The following SCMH1 variants were observed in gnomAD, a reference collection of about 807,000 sequenced individuals.
SCMH1 encodes the protein polycomb protein SCMH1.
A neutral mutation model predicts 70.8 loss-of-function variants in SCMH1; 37 were observed. The observed-to-expected ratio is 0.52, with a 90% CI of 0.40 to 0.69. SCMH1 has a LOEUF of 0.69. SCMH1 is among the 30% of genes least tolerant of loss of function. SCMH1 has a pLI of 0.00. For missense variants in SCMH1, 607 were observed against 827.3 expected (o/e 0.73, Z 3.27); for synonymous variants, 292 against 307.4 (o/e 0.95, Z 0.52).
chr1:41,191,371 T>C (rs185224223), intron 1 of SCMH1, among the ~76,000 whole-genome samples: 2 of 152,378 alleles, frequency 1.3e-5, no homozygotes, highest in East Asian at 1.9e-4. Flanking sequence ...TAAAATTAAG[T>C]ATATTTGAAC....
At position 41,061,502 on chromosome 1, in the gene SCMH1, T is replaced by C. The variant is rs56018256; in HGVS notation, c.1105+9093A>G. On this transcript the variant is annotated intron_variant, in intron 10 of 14. Transcript: ENST00000337495. ...AGGGAAAGACAGGGGCATTACATAATAAGAGGCCAATTCTCCAAGAAGACA... is the reference window on the plus strand; with the variant it reads ...AGGGAAAGACAGGGGCATTACATAACAAGAGGCCAATTCTCCAAGAAGACA... Among the ~76,000 whole-genome samples the C allele has an allele frequency of 1.5e-3, 233 of 152,226 alleles. 2 individuals carry two copies. The Middle Eastern group carries it at 0.027, about 18-fold the overall frequency.
At chr1:41,177,284 T>A (rs1368509516) in intron 2 of SCMH1, among the ~76,000 whole-genome samples, 5 of 151,758 alleles carry the variant, frequency 3.3e-5, no homozygotes, top group African/African-American at 1.2e-4. Flanking sequence ...ACCACAAAGA[T>A]GGGGAAAAAA....
chr1:41,048,089 T>C (rs1647068076), intron 11 of SCMH1, among the ~76,000 whole-genome samples: 1 of 150,536 alleles, frequency 6.6e-6, no homozygotes, highest in South Asian at 2.1e-4. Context: ...CTAGGTCAAG[T>C]CTTCATAGGT....
At chr1:41,161,236 A>G (rs1646001356) in intron 3 of SCMH1, 128 bp downstream of exon 3, 15 of 1,415,386 alleles carry the variant, frequency 1.1e-5, no homozygotes, top group Non-Finnish European at 1.3e-5. Flanking sequence ...ACCTCTGTAA[A>G]CTGCAATATT....
At chr1:41,175,922 A>C (rs759694249) in intron 2 of SCMH1, among the ~76,000 whole-genome samples, 11 of 152,066 alleles carry the variant, frequency 7.2e-5, no homozygotes, top group Non-Finnish European at 1.6e-4. Flanking sequence ...TATGTTTAAA[A>C]ATTTTCATAA....
At chr1:41,221,889 G>T in intron 1 of SCMH1, among the ~76,000 whole-genome samples, 1 of 66,816 alleles carries the variant, frequency 1.5e-5, no homozygotes. Context: ...GCAAGACTCC[G>T]TCTCAAAAAA....
chr1:41,087,968 T>TGTGTGTGTG (rs1553238484), intron 8 of SCMH1, among the ~76,000 whole-genome samples: 3 of 18,020 alleles, frequency 1.7e-4, no homozygotes, highest in South Asian at 2.6e-3. Flanking sequence ...GTGTGTGTAT[T>TGTGTGTGTG]TATTTATGCA....
At chr1:41,172,796 C>G (rs1245577145) in intron 2 of SCMH1, among the ~76,000 whole-genome samples, 1 of 152,086 alleles carries the variant, frequency 6.6e-6, no homozygotes, top group Admixed American at 6.6e-5. Context: ...TATTTACAGC[C>G]AACTGATTTT....
chr1:41,062,691 A>T (rs528647832), intron 10 of SCMH1, among the ~76,000 whole-genome samples: 1 of 151,356 alleles, frequency 6.6e-6, no homozygotes, highest in Non-Finnish European at 1.5e-5. Flanking sequence ...GTGAGCTGAG[A>T]TCGGGCCACT....
At chr1:41,229,068 T>C (rs1248638234) in intron 1 of SCMH1, among the ~76,000 whole-genome samples, 2 of 151,988 alleles carry the variant, frequency 1.3e-5, no homozygotes, top group Admixed American at 1.3e-4. Context: ...TGATGGCACA[T>C]GCCTGTAATC....
At chr1:41,185,943 A>G in intron 2 of SCMH1, 178 bp downstream of exon 2, 2 of 504,286 alleles carry the variant, frequency 4.0e-6, no homozygotes, top group Non-Finnish European at 6.5e-6. Context: ...TTTAAAAAGC[A>G]AAACTTCAGA....
intron 1 of SCMH1, among the ~76,000 whole-genome samples, chr1:41,221,581 C>T (rs1332175341): frequency 7.6e-6 from 1 of 130,902 alleles, no homozygotes; most frequent in Admixed American, 8.7e-5. Context: ...GCCAAACGCT[C>T]ATAGCAAAAA....
At chr1:41,067,497 G>C (rs887592005) in intron 10 of SCMH1, among the ~76,000 whole-genome samples, 3 of 141,186 alleles carry the variant, frequency 2.1e-5, no homozygotes, top group South Asian at 2.3e-4. Flanking sequence ...ATCAAGACAT[G>C]AAAATACATG....
chr1:41,159,594 C>G, intron 4 of SCMH1: 1 of 1,050,678 alleles, frequency 9.5e-7, no homozygotes, highest in East Asian at 3.1e-5. Context: ...GGAATTTGAA[C>G]CTTGGTTCAA....
chr1:41,074,400 A>G (rs761862), intron 9 of SCMH1, among the ~76,000 whole-genome samples: 52,534 of 151,918 alleles, frequency 0.35, 10,287 homozygotes, highest in African/African-American at 0.54. Flanking sequence ...CATTAACACT[A>G]TTTATCTCTT....
chr1:41,087,268 A>G (rs1558759169), intron 8 of SCMH1, among the ~76,000 whole-genome samples: 2 of 152,176 alleles, frequency 1.3e-5, no homozygotes, highest in African/African-American at 4.8e-5. Context: ...AAAACAATAT[A>G]TAAGTACTAG....
At chr1:41,055,868 G>T (rs765613364) in intron 10 of SCMH1, among the ~76,000 whole-genome samples, 12 of 152,218 alleles carry the variant, frequency 7.9e-5, no homozygotes, top group Non-Finnish European at 1.2e-4. Context: ...TGATTTAGAT[G>T]ATGAGATCCT....
intron 6 of SCMH1, among the ~76,000 whole-genome samples, chr1:41,120,310 TG>T (rs1243766049): frequency 6.6e-6 from 1 of 152,220 alleles, no homozygotes; most frequent in African/African-American, 2.4e-5. Context: ...ATATATTGAA[TG>T]CTTACCATGT....
At chr1:41,151,711 A>G in intron 4 of SCMH1, 27 bp from the exon 5 acceptor site, 1 of 1,530,490 alleles carries the variant, frequency 6.5e-7, no homozygotes, top group Non-Finnish European at 9.0e-7. Flanking sequence ...AATCTATATC[A>G]CAGTCAACTT....
Sources: allele counts gnomAD v4.1 joint callset (sites outside exome capture counted in the v4.1 genomes callset), GRCh38; gene constraint gnomAD v4.1.1; transcripts MANE v1.5; gene names NCBI Gene and HGNC (gene_info 2026-07-23, HGNC 2026-07-21).